CSMD1: variants seen among roughly 807,000 people sequenced by gnomAD.
CSMD1 encodes CUB and Sushi multiple domains 1.
A neutral mutation model predicts 417.5 loss-of-function variants in CSMD1; 213 were observed. The observed-to-expected ratio is 0.51, with a 90% confidence interval of 0.46 to 0.57. The LOEUF is 0.57. Among genes scored for constraint, CSMD1 ranks in the 20% least tolerant of loss-of-function variants. The pLI is 0.00. For synonymous variants in CSMD1, 2,862 were observed against 1,736.8 expected (o/e 1.65, Z -16.11); for missense variants, 6,923 against 4,529.7 (o/e 1.53, Z -15.17).
intron 2 of CSMD1, among the ~76,000 whole-genome samples, chr8:4,629,942 C>G (rs978996767): frequency 1.3e-5 from 2 of 152,156 alleles, no homozygotes; most frequent in Non-Finnish European, 2.9e-5. Flanking sequence ...AGCTCCTTCT[C>G]TCTAGCCAAC....
At chr8:3,885,457 A>C (rs1465235947) in intron 5 of CSMD1, among the ~76,000 whole-genome samples, 1 of 152,168 alleles carries the variant, frequency 6.6e-6, no homozygotes, top group Admixed American at 6.5e-5. Flanking sequence ...AAGCTGAAGT[A>C]CAAATTTCTG....
chr8:4,552,575 C>T (rs73661524), intron 2 of CSMD1, among the ~76,000 whole-genome samples: 2,312 of 152,092 alleles, frequency 0.015, 39 homozygotes, highest in East Asian at 0.058. Flanking sequence ...CTTGGGCATC[C>T]GGTTCTCCTG....
intron 22 of CSMD1, among the ~76,000 whole-genome samples, chr8:3,347,153 C>T (rs1450050518): frequency 2.0e-5 from 3 of 152,242 alleles, no homozygotes; most frequent in South Asian, 4.1e-4. Context: ...CAAAGCTGTG[C>T]TGGGCCGCAT....
At chr8:3,186,967 A>G (rs1585594552) in intron 36 of CSMD1, among the ~76,000 whole-genome samples, 1 of 152,188 alleles carries the variant, frequency 6.6e-6, no homozygotes, top group Non-Finnish European at 1.5e-5. Context: ...GTCTCGAACT[A>G]CTGACCTCAG....
intron 10 of CSMD1, among the ~76,000 whole-genome samples, chr8:3,525,071 C>G (rs543337615): frequency 3.9e-5 from 6 of 152,268 alleles, no homozygotes; most frequent in Non-Finnish European, 7.4e-5. Context: ...ATCTGAAAAG[C>G]CAACTAAAGT....
At chr8:3,385,335 T>G (rs941586027) in intron 18 of CSMD1, among the ~76,000 whole-genome samples, 13 of 75,632 alleles carry the variant, frequency 1.7e-4, no homozygotes, top group African/African-American at 8.1e-4. Context: ...CCTGGATAAT[T>G]TTTTTGTGTT....
intron 2 of CSMD1, among the ~76,000 whole-genome samples, chr8:4,421,550 A>C (rs972466543): frequency 1.1e-4 from 17 of 152,084 alleles, no homozygotes; most frequent in African/African-American, 4.1e-4. Context: ...AAAATATCTA[A>C]TTACTTGGAA....
At chr8:4,510,624 C>T (rs1284150310) in intron 2 of CSMD1, among the ~76,000 whole-genome samples, 2 of 148,198 alleles carry the variant, frequency 1.3e-5, no homozygotes, top group African/African-American at 2.5e-5. Context: ...TCCTCCCTTC[C>T]TTCCCTCTCC....
At chr8:3,228,724 T>C (rs1365558779) in intron 27 of CSMD1, among the ~76,000 whole-genome samples, 2 of 151,788 alleles carry the variant, frequency 1.3e-5, no homozygotes, top group Non-Finnish European at 2.9e-5. Context: ...GATTAACTCG[T>C]AGTTATATTG....
chr8:3,289,293 G>A lies in CSMD1; in HGVS notation c.3951-4947C>T, dbSNP rs544132158. Among the ~76,000 whole-genome samples the A allele has an allele frequency of 1.1e-3, 158 of 147,350 alleles. 32 individuals carry two copies. Among genetic ancestry groups the A allele is most frequent in the African/African-American group, 4.0e-3 (149 of 37,110 alleles). On this transcript the variant is annotated intron_variant, in intron 25 of 69. Coordinates refer to ENST00000635120, the MANE Select transcript of CSMD1 (RefSeq NM_033225.6). Reference sequence around the variant, plus strand: ...ATAGTGCCGCTATAAACATACGTGTGCATGTGTCTTTATAGCAGCATGATT... The same window carrying A: ...ATAGTGCCGCTATAAACATACGTGTACATGTGTCTTTATAGCAGCATGATT...
intron 12 of CSMD1, among the ~76,000 whole-genome samples, chr8:3,456,045 C>T (rs1013885164): frequency 6.6e-6 from 1 of 152,198 alleles, no homozygotes; most frequent in Non-Finnish European, 1.5e-5. Flanking sequence ...CGCCGCCTTG[C>T]TATTTGATCT....
intron 5 of CSMD1, among the ~76,000 whole-genome samples, chr8:3,816,719 G>A (rs1310271474): frequency 6.6e-6 from 1 of 152,092 alleles, no homozygotes; most frequent in Non-Finnish European, 1.5e-5. Flanking sequence ...TCATGGGAAT[G>A]TATTTAATTA....
chr8:4,393,428 G>C (rs904704254), intron 3 of CSMD1, among the ~76,000 whole-genome samples: 1 of 152,152 alleles, frequency 6.6e-6, no homozygotes. Flanking sequence ...AAAATACATA[G>C]AACCCAAAAT....
At chr8:4,966,228 A>T (rs1032124676) in intron 1 of CSMD1, among the ~76,000 whole-genome samples, 2 of 148,068 alleles carry the variant, frequency 1.4e-5, no homozygotes, top group Non-Finnish European at 3.0e-5. Context: ...AAAAAAAAAA[A>T]ATTAGCTGGG....
At chr8:4,428,952 G>C (rs554454004) in intron 2 of CSMD1, among the ~76,000 whole-genome samples, 5 of 152,114 alleles carry the variant, frequency 3.3e-5, no homozygotes, top group African/African-American at 1.2e-4. Context: ...GACTTGAAGT[G>C]ATCCACCTGC....
intron 2 of CSMD1, among the ~76,000 whole-genome samples, chr8:4,484,001 T>A (rs985040061): frequency 6.6e-6 from 1 of 152,104 alleles, no homozygotes; most frequent in Non-Finnish European, 1.5e-5. Context: ...GGGAGAAACA[T>A]CCCATTGCCT....
In CSMD1 at chr8:4,875,977, G is replaced by A. The variant is rs189117279; in HGVS notation, c.85+118355C>T. Among the ~76,000 whole-genome samples, 145 of 152,040 alleles carry A rather than the reference G, an allele frequency of 9.5e-4. 1 individual carries two copies. The highest frequency in any genetic ancestry group is 6.0e-3 in the Admixed American group (91 of 15,260). On this transcript the variant is annotated intron_variant, in intron 1 of 69. Transcript: ENST00000635120. ...GATGCTATTTTTCACATTTTCTTAT[G>A]AACACGATTTTTATTTTTATAGTAA...
chr8:3,790,452 G>C (rs1051842892), intron 5 of CSMD1, among the ~76,000 whole-genome samples: 6 of 152,130 alleles, frequency 3.9e-5, no homozygotes, highest in Admixed American at 2.6e-4. Flanking sequence ...TGATGACACG[G>C]TTATGGTAAT....
At chr8:4,091,943 T>C (rs1585295684) in intron 3 of CSMD1, among the ~76,000 whole-genome samples, 1 of 152,312 alleles carries the variant, frequency 6.6e-6, no homozygotes, top group East Asian at 1.9e-4. Flanking sequence ...AAAATGTCAT[T>C]GAGGAAAAGG....
Sources: gnomAD v4.1 joint callset for allele counts (sites outside exome capture counted in the v4.1 genomes callset) on GRCh38, gnomAD v4.1.1 for gene constraint, MANE v1.5 for transcripts, NCBI Gene and HGNC (gene_info 2026-07-23, HGNC 2026-07-21) for gene names.